Variants in PTPRM observed in about 807,000 individuals in gnomAD.
PTPRM encodes the protein receptor-type tyrosine-protein phosphatase mu.
PTPRM carries 47 observed loss-of-function variants against 186.7 expected under a neutral mutation model. That is an observed-to-expected ratio of 0.25 (90% CI 0.20 to 0.32). The LOEUF is 0.32. Among genes scored for constraint, PTPRM ranks in the 10% least tolerant of loss-of-function variants. PTPRM has a pLI of 1.00. For synonymous variants in PTPRM, 668 were observed against 674.9 expected, an observed-to-expected ratio of 0.99 and a Z score of 0.16; for missense variants, 1,494 against 1,865.0, an observed-to-expected ratio of 0.80 and a Z score of 3.66.
intron 22 of PTPRM, among the ~76,000 whole-genome samples, chr18:8,340,979 G>A (rs1157793795): frequency 1.3e-5 from 2 of 152,192 alleles, no homozygotes; most frequent in African/African-American, 2.4e-5. Flanking sequence ...TACCTAGGGT[G>A]ATGGACTGAG....
At chr18:8,199,876 A>G (rs1188414088) in intron 14 of PTPRM, among the ~76,000 whole-genome samples, 1 of 152,182 alleles carries the variant, frequency 6.6e-6, no homozygotes, top group Non-Finnish European at 1.5e-5. Context: ...GTGTGTATAA[A>G]TAAGATTACA....
intron 1 of PTPRM, among the ~76,000 whole-genome samples, chr18:7,725,725 A>G (rs990327720): frequency 6.6e-6 from 1 of 152,088 alleles, no homozygotes; most frequent in African/African-American, 2.4e-5. Flanking sequence ...CCAAGGGAAC[A>G]TTACCTTCCT....
rs533723129 is a variant in PTPRM at position 7,907,057 on chromosome 18, A to C, written c.547+474A>C. Among the ~76,000 whole-genome samples, 43 of 152,358 alleles carry C rather than the reference A, an allele frequency of 2.8e-4. No individual in the cohort carries two copies. The East Asian group carries it at 7.9e-3, about 28-fold the overall frequency. On this transcript the variant is annotated intron_variant, in intron 4 of 32. Coordinates refer to ENST00000580170, the MANE Select transcript of PTPRM (RefSeq NM_001105244.2). ...CCTACCTAAACCACCTGGGGACCCC[A>C]GAAATGGCCTGCTCTTCATCTTTTA... is the stretch of plus-strand genomic sequence containing the variant.
intron 7 of PTPRM, among the ~76,000 whole-genome samples, chr18:7,969,024 A>G (rs951683049): frequency 2.9e-5 from 2 of 69,408 alleles, no homozygotes; most frequent in Admixed American, 1.6e-4. Context: ...GCACCACACC[A>G]CACCTATTCC....
intron 13 of PTPRM, among the ~76,000 whole-genome samples, chr18:8,117,687 A>T (rs931102531): frequency 1.5e-4 from 23 of 152,104 alleles, no homozygotes; most frequent in African/African-American, 5.1e-4. Context: ...ATGCACCTAG[A>T]TGAATTTCCT....
rs1407273389 is a variant in PTPRM, at chr18:7,746,793, A to G, written c.74-27356A>G. Among the ~76,000 whole-genome samples, 3 of 152,172 alleles carry G rather than the reference A, an allele frequency of 2.0e-5. No individual in the cohort carries two copies. In the East Asian group the frequency reaches 5.8e-4, roughly 29 times the overall value. ...ATCATAGTCTTGACAGTAGGACAGT[A>G]AGACGCTTCCTTTCCACATTTCTTT... is the stretch of plus-strand genomic sequence containing the variant. On this transcript the variant is annotated intron_variant, in intron 1 of 32. Transcript: ENST00000580170.
intron 5 of PTPRM, among the ~76,000 whole-genome samples, chr18:7,940,505 C>T (rs1002243336): frequency 6.6e-6 from 1 of 152,078 alleles, no homozygotes; most frequent in Non-Finnish European, 1.5e-5. Flanking sequence ...GGAGTTGGCT[C>T]TGGGGGATGG....
chr18:7,682,419 A>G (rs1206479498), intron 1 of PTPRM, among the ~76,000 whole-genome samples: 2 of 152,224 alleles, frequency 1.3e-5, no homozygotes, highest in African/African-American at 4.8e-5. Context: ...TCTTAAGAAA[A>G]AGAATAAAGA....
At chr18:7,591,317 A>G (rs562409239) in intron 1 of PTPRM, among the ~76,000 whole-genome samples, 1 of 152,292 alleles carries the variant, frequency 6.6e-6, no homozygotes, top group South Asian at 2.1e-4. Flanking sequence ...AATCTCTACA[A>G]CCTTATTAAG....
intron 1 of PTPRM, among the ~76,000 whole-genome samples, chr18:7,732,572 T>G (rs372877292): frequency 6.6e-6 from 1 of 152,118 alleles, no homozygotes; most frequent in South Asian, 2.1e-4. Flanking sequence ...AATGACATGA[T>G]CATAGCTCAC....
At chr18:7,900,223 G>T (rs2049590915) in intron 3 of PTPRM, among the ~76,000 whole-genome samples, 1 of 152,228 alleles carries the variant, frequency 6.6e-6, no homozygotes, top group Admixed American at 6.5e-5. Flanking sequence ...CCATAGCCAA[G>T]ATGTAAATGA....
intron 14 of PTPRM, among the ~76,000 whole-genome samples, chr18:8,217,402 T>G (rs889128185): frequency 1.3e-5 from 2 of 152,206 alleles, no homozygotes; most frequent in Non-Finnish European, 2.9e-5. Flanking sequence ...GGAGGGGAAT[T>G]TAACCACAGA....
chr18:7,860,515 G>A (rs1464889112), intron 2 of PTPRM, among the ~76,000 whole-genome samples: 1 of 152,168 alleles, frequency 6.6e-6, no homozygotes, highest in Non-Finnish European at 1.5e-5. Flanking sequence ...CAAAGCACCT[G>A]CTGGTATATG....
chr18:7,920,325 T>C (rs889145040), intron 4 of PTPRM, among the ~76,000 whole-genome samples: 2 of 152,186 alleles, frequency 1.3e-5, no homozygotes, highest in Non-Finnish European at 2.9e-5. Context: ...TTTTAATTTG[T>C]TGTTTTTCAT....
chr18:8,064,792 G>A (rs951529051), intron 7 of PTPRM, among the ~76,000 whole-genome samples: 5 of 152,166 alleles, frequency 3.3e-5, no homozygotes, highest in East Asian at 1.9e-4. Context: ...ACCCAGAATC[G>A]TTGCTGCCTA....
intron 23 of PTPRM, among the ~76,000 whole-genome samples, chr18:8,361,649 A>AT (rs1432439349): frequency 6.6e-6 from 1 of 152,310 alleles, no homozygotes. Flanking sequence ...ACATAATCAG[A>AT]TAACTGTAGG....
At chr18:8,267,382 GTTTTC>G (rs937689811) in intron 19 of PTPRM, among the ~76,000 whole-genome samples, 2 of 151,152 alleles carry the variant, frequency 1.3e-5, no homozygotes, top group African/African-American at 4.9e-5. Flanking sequence ...CAATTTTGTT[GTTTTC>G]TTTTAAGAGA....
chr18:8,386,364 G>A (rs575078727), intron 30 of PTPRM, among the ~76,000 whole-genome samples: 1 of 152,270 alleles, frequency 6.6e-6, no homozygotes, highest in Admixed American at 6.5e-5. Context: ...AGAGGTCTGG[G>A]AGAAGGGGAG....
At chr18:8,005,920 TC>T (rs1477888860) in intron 7 of PTPRM, among the ~76,000 whole-genome samples, 1 of 152,240 alleles carries the variant, frequency 6.6e-6, no homozygotes, top group Non-Finnish European at 1.5e-5. Context: ...GCTGGGGACA[TC>T]CTTCAGAAAA....
Sources: allele counts gnomAD v4.1 joint callset (sites outside exome capture counted in the v4.1 genomes callset), GRCh38; gene constraint gnomAD v4.1.1; transcripts MANE v1.5; gene names NCBI Gene and HGNC (gene_info 2026-07-23, HGNC 2026-07-21).